The following RGS6 variants were observed in gnomAD, a reference collection of about 807,000 sequenced individuals.
RGS6 encodes the protein regulator of G protein signaling 6.
In RGS6, 30 loss-of-function variants were observed where a neutral mutation model predicts 78.5. The ratio of observed to expected loss-of-function variants is 0.38; its 90% confidence interval spans 0.29 to 0.52. The LOEUF is 0.52. Among genes scored for constraint, RGS6 ranks in the 20% least tolerant of loss-of-function variants. RGS6 has a pLI of 0.85. For synonymous variants in RGS6, 206 were observed against 206.0 expected, an observed-to-expected ratio of 1.00 and a Z score of 0.00; for missense variants, 495 against 609.7, an observed-to-expected ratio of 0.81 and a Z score of 1.98.
At chr14:72,081,854 A>G (rs1448211425) in intron 2 of RGS6, among the ~76,000 whole-genome samples, 1 of 152,084 alleles carries the variant, frequency 6.6e-6, no homozygotes, top group Non-Finnish European at 1.5e-5. Context: ...TTCTTCTCGT[A>G]ATTTTTTACT....
At position 72,011,731 on chromosome 14, in the gene RGS6, TTATATTAA is replaced by T. The variant is rs1220129423; in HGVS notation, c.84+46861_84+46868del. ...GGTTATATGAAAATACTACACCACT[TTATATTAA>T]TATAAGAGACTTGAGCATCTGCAGA... On this transcript the variant is annotated intron_variant, in intron 2 of 17. Coordinates refer to ENST00000553525, the MANE Select transcript of RGS6 (RefSeq NM_001204424.2). 6.6e-5 allele frequency among the ~76,000 whole-genome samples: 10 copies of T among 152,288 alleles called. No homozygotes were observed. In the East Asian group the frequency reaches 1.9e-3, roughly 29 times the overall value.
intron 2 of RGS6, among the ~76,000 whole-genome samples, chr14:72,166,108 A>G: frequency 6.6e-6 from 1 of 150,854 alleles, no homozygotes; most frequent in Non-Finnish European, 1.5e-5. Context: ...ACACACACAC[A>G]CACACACACA....
At chr14:72,594,922 T>G in the RGS6 span, 2 of 152,154 alleles carry the variant, frequency 1.3e-5, no homozygotes, top group African/African-American at 4.8e-5. Flanking sequence ...CTTTTCATCC[T>G]GAAGGCCTAA....
intron 3 of RGS6, among the ~76,000 whole-genome samples, chr14:72,437,234 G>C (rs11623104): frequency 0.32 from 47,572 of 147,160 alleles, 8,442 homozygotes; most frequent in East Asian, 0.64. Flanking sequence ...CCATCTACTC[G>C]GGAGGCTGAG....
chr14:72,466,877 T>C (rs1469448310), intron 7 of RGS6, among the ~76,000 whole-genome samples: 1 of 152,192 alleles, frequency 6.6e-6, no homozygotes, highest in Non-Finnish European at 1.5e-5. Flanking sequence ...AAATTTTAAA[T>C]TGCACCTTTA....
the RGS6 span, among the ~76,000 whole-genome samples, chr14:72,577,895 T>C: frequency 6.6e-6 from 1 of 152,246 alleles, no homozygotes; most frequent in African/African-American, 2.4e-5. Flanking sequence ...CATCTCGCTT[T>C]AAACAGAAAA....
intron 7 of RGS6, among the ~76,000 whole-genome samples, chr14:72,467,856 G>A (rs1399726654): frequency 1.3e-5 from 2 of 152,148 alleles, no homozygotes; most frequent in East Asian, 3.9e-4. Flanking sequence ...AAAGACTGCT[G>A]TTGTACTCTT....
intron 13 of RGS6, among the ~76,000 whole-genome samples, chr14:72,503,041 C>A (rs563947079): frequency 6.6e-6 from 1 of 152,094 alleles, no homozygotes; most frequent in Middle Eastern, 3.2e-3. Flanking sequence ...TTTCACAGTT[C>A]TGGAGGCTGG....
At chr14:71,970,939 G>C (rs1309327119) in intron 2 of RGS6, among the ~76,000 whole-genome samples, 1 of 152,168 alleles carries the variant, frequency 6.6e-6, no homozygotes, top group East Asian at 1.9e-4. Context: ...GAATTAACCA[G>C]ATGGAGGAGG....
At chr14:72,521,533 A>T (rs891239561) in intron 15 of RGS6, among the ~76,000 whole-genome samples, 12 of 152,324 alleles carry the variant, frequency 7.9e-5, no homozygotes, top group Admixed American at 7.8e-4. Flanking sequence ...AATACATTCT[A>T]TCTAATTTCT....
chr14:72,480,035 G>A (rs2096336965), intron 12 of RGS6, among the ~76,000 whole-genome samples: 3 of 152,178 alleles, frequency 2.0e-5, no homozygotes, highest in African/African-American at 7.2e-5. Context: ...GTGGTTCTAA[G>A]TACCGTAATC....
At chr14:72,107,542 A>G (rs1480306641) in intron 2 of RGS6, among the ~76,000 whole-genome samples, 1 of 152,198 alleles carries the variant, frequency 6.6e-6, no homozygotes, top group Non-Finnish European at 1.5e-5. Context: ...CCAGATTCTC[A>G]TAACTACTGA....
At chr14:71,879,349 ACT>A in the RGS6 span, among the ~76,000 whole-genome samples, 1 of 152,224 alleles carries the variant, frequency 6.6e-6, no homozygotes, top group South Asian at 2.1e-4. Flanking sequence ...AACTGACTCT[ACT>A]GTGTGGCTTA....
intron 6 of RGS6, among the ~76,000 whole-genome samples, chr14:72,465,173 T>C (rs1324101336): frequency 6.6e-6 from 1 of 152,012 alleles, no homozygotes; most frequent in Non-Finnish European, 1.5e-5. Context: ...AAGAAGTTGA[T>C]GAGATAAGCA....
At chr14:72,413,416 G>T (rs984210934) in intron 3 of RGS6, among the ~76,000 whole-genome samples, 4 of 152,024 alleles carry the variant, frequency 2.6e-5, no homozygotes, top group African/African-American at 9.7e-5. Context: ...TTTTCCATTT[G>T]CTTGGTAGAT....
At chr14:72,092,823 G>A (rs1238825207) in intron 2 of RGS6, among the ~76,000 whole-genome samples, 1 of 152,176 alleles carries the variant, frequency 6.6e-6, no homozygotes, top group Non-Finnish European at 1.5e-5. Flanking sequence ...AAATAGAATA[G>A]TACATTGGTT....
the RGS6 span, among the ~76,000 whole-genome samples, chr14:71,895,070 T>C: frequency 6.6e-5 from 10 of 151,124 alleles, no homozygotes. Flanking sequence ...AGCCCAAAGG[T>C]ACTTTTCAAA....
the RGS6 span, among the ~76,000 whole-genome samples, chr14:71,886,952 T>C: frequency 0.11 from 16,178 of 152,058 alleles, 1,009 homozygotes; most frequent in African/African-American, 0.15. Context: ...GAGTTCAAGA[T>C]CAGCCTGGCC....
intron 2 of RGS6, among the ~76,000 whole-genome samples, chr14:72,223,240 T>G (rs977199551): frequency 6.6e-6 from 1 of 152,202 alleles, no homozygotes; most frequent in African/African-American, 2.4e-5. Context: ...CTGGCAGCAA[T>G]GGAACAACCT....
Sources: gnomAD v4.1 joint callset for allele counts (sites outside exome capture counted in the v4.1 genomes callset) on GRCh38, gnomAD v4.1.1 for gene constraint, MANE v1.5 for transcripts, NCBI Gene and HGNC (gene_info 2026-07-23, HGNC 2026-07-21) for gene names.